RASSF2: variants seen among roughly 807,000 people sequenced by gnomAD.
The protein encoded by RASSF2 is Ras association domain family member 2, also known as ras association domain-containing protein 2.
A neutral mutation model predicts 46.3 loss-of-function variants in RASSF2; 34 were observed. That is an observed-to-expected ratio of 0.73 (90% CI 0.56 to 0.98). RASSF2 has a LOEUF of 0.98. RASSF2 is among the 50% of genes least tolerant of loss of function. The pLI is 0.00. For synonymous variants in RASSF2, 158 were observed against 162.5 expected, an observed-to-expected ratio of 0.97 and a Z score of 0.21; for missense variants, 364 against 431.2, an observed-to-expected ratio of 0.84 and a Z score of 1.38.
chr20:4,785,104 G>A (rs1450751473), intron 11 of RASSF2, among the ~76,000 whole-genome samples: 1 of 138,198 alleles, frequency 7.2e-6, no homozygotes, highest in Admixed American at 8.1e-5. Context: ...GAGGTCAGGA[G>A]TTCAAGACCA....
Position 4,822,363 on chromosome 20 carries a change from T to C in RASSF2, c.-67A>G, listed in dbSNP as rs1006661429. On this transcript the variant is annotated 5_prime_UTR_variant, in exon 2 of 12. Transcript: ENST00000379400. ...AGGCTGCCGTAGACACAGCCTTTGC[T>C]CTCCCGAAAAACACGTTCTAGGCGC... is the stretch of plus-strand genomic sequence containing the variant. 1.3e-5 allele frequency: 2 copies of C among 152,194 alleles called. No individual in the cohort carries two copies. Among genetic ancestry groups the C allele is most frequent in the East Asian group, 3.9e-4 (2 of 5,186 alleles). The allele number at this position is 152,194 out of a possible 1,614,324, so 9.4% of individuals were successfully genotyped here. A position where few individuals can be genotyped will look rare whatever the true frequency, so the allele number is the denominator to read the frequency against.
chr20:4,789,797 T>G lies in RASSF2; in HGVS notation c.538-100A>C, dbSNP rs1348766556. The G allele has an allele frequency of 7.5e-5, 72 of 954,244 alleles. 2 individuals carry two copies. The East Asian group carries it at 1.7e-3, about 23-fold the overall frequency. 59.1% of individuals were successfully genotyped at this position (954,244 alleles called of 1,614,324 possible). A position where few individuals can be genotyped will look rare whatever the true frequency, so the allele number is the denominator to read the frequency against. Reference sequence around the variant, plus strand: ...GGCACAGTGACAACGATACTCAGAATGTACTCCCTGGGAGCCCCCGGCAGA... The same window carrying G: ...GGCACAGTGACAACGATACTCAGAAGGTACTCCCTGGGAGCCCCCGGCAGA... On this transcript the variant is annotated intron_variant, in intron 7 of 11. Transcript: ENST00000379400.
At chr20:4,792,652 AG>A (rs778923410) in intron 5 of RASSF2, 25 bp from the exon 6 acceptor site, 5 of 1,611,946 alleles carry the variant, frequency 3.1e-6, no homozygotes, top group Admixed American at 1.7e-5. Flanking sequence ...GACAAAGGGG[AG>A]GGGGGAGACT....
Position 4,792,642 on chromosome 20 carries a change from G to C in RASSF2, c.288-15C>G. 6.2e-7 allele frequency: 1 copy of C among 1,612,696 alleles called. No individual in the cohort carries two copies. Among genetic ancestry groups the C allele is most frequent in the Non-Finnish European group, 8.5e-7 (1 of 1,179,440 alleles). ...TCAGAGTGGTTCTGGGAGTGGAGAA[G>C]ACAAAGGGGAGGGGGGAGACTAGTT... On this transcript the variant is annotated splice_polypyrimidine_tract_variant and intron_variant, in intron 5 of 11. Transcript: ENST00000379400.
At chr20:4,805,993 G>C (rs2423017) in intron 2 of RASSF2, among the ~76,000 whole-genome samples, 112,053 of 152,076 alleles carry the variant, frequency 0.74, 42,735 homozygotes, top group East Asian at 0.86. Flanking sequence ...GGGCCCAGGA[G>C]AGCAATTCCT....
At chr20:4,801,693 A>C (rs1423164624) in intron 2 of RASSF2, among the ~76,000 whole-genome samples, 3 of 152,128 alleles carry the variant, frequency 2.0e-5, no homozygotes, top group Non-Finnish European at 4.4e-5. Context: ...ATATATACAT[A>C]TATATATCAG....
chr20:4,787,397 A>G (rs758333086), intron 10 of RASSF2, among the ~76,000 whole-genome samples: 2 of 152,214 alleles, frequency 1.3e-5, no homozygotes, highest in Non-Finnish European at 2.9e-5. Flanking sequence ...GAGTAGAGCC[A>G]TTGCTACTAG....
At chr20:4,794,148 G>T (rs1029138976) in intron 5 of RASSF2, among the ~76,000 whole-genome samples, 5 of 152,188 alleles carry the variant, frequency 3.3e-5, no homozygotes, top group Non-Finnish European at 5.9e-5. Flanking sequence ...AGTACAGCTG[G>T]GCATGGTGGC....
intron 2 of RASSF2, among the ~76,000 whole-genome samples, chr20:4,802,909 TATA>T (rs760278625): frequency 0.14 from 12,837 of 94,540 alleles, 701 homozygotes; most frequent in East Asian, 0.2. Context: ...TATATATATA[TATA>T]TATTTTTTTT....
chr20:4,802,914 A>ATTT (rs60825053), intron 2 of RASSF2, among the ~76,000 whole-genome samples: 1,930 of 95,524 alleles, frequency 0.02, 78 homozygotes, highest in East Asian at 0.13. Flanking sequence ...ATATATATAT[A>ATTT]TTTTTTTTTT....
chr20:4,813,275 G>A (rs916622203), intron 2 of RASSF2, among the ~76,000 whole-genome samples: 7 of 152,102 alleles, frequency 4.6e-5, no homozygotes, highest in African/African-American at 1.4e-4. Flanking sequence ...CTGAAACACA[G>A]CAAGGGCCAT....
chr20:4,809,980 T>C (rs1447758505), intron 2 of RASSF2, among the ~76,000 whole-genome samples: 1 of 152,226 alleles, frequency 6.6e-6, no homozygotes, highest in African/African-American at 2.4e-5. Context: ...CGTGTGCCGC[T>C]AAGACCCAGC....
intron 2 of RASSF2, among the ~76,000 whole-genome samples, chr20:4,810,536 C>T (rs1318332808): frequency 6.6e-6 from 1 of 152,180 alleles, no homozygotes; most frequent in Admixed American, 6.5e-5. Context: ...TCCCCAGGAC[C>T]CTGGCTCGCC....
chr20:4,793,138 G>T, intron 5 of RASSF2: 1 of 161,638 alleles, frequency 6.2e-6, no homozygotes, highest in South Asian at 1.6e-4. Context: ...GGCAGGGGCA[G>T]CTTTGGAAGG....
intron 2 of RASSF2, among the ~76,000 whole-genome samples, chr20:4,818,550 AG>A (rs1396336124): frequency 6.6e-6 from 1 of 152,234 alleles, no homozygotes; most frequent in Non-Finnish European, 1.5e-5. Context: ...CACTGATACC[AG>A]GTTGGTAGAG....
chr20:4,810,190 G>A (rs2423026), intron 2 of RASSF2, among the ~76,000 whole-genome samples: 54,366 of 152,080 alleles, frequency 0.36, 9,945 homozygotes, highest in Admixed American at 0.43. Flanking sequence ...CGGGGTCAGC[G>A]TCACCCAAGC....
chr20:4,791,585 AT>A (rs1261412694), intron 6 of RASSF2, among the ~76,000 whole-genome samples: 3 of 152,238 alleles, frequency 2.0e-5, no homozygotes, highest in Non-Finnish European at 4.4e-5. Context: ...ATTAAAATAT[AT>A]TTAATCCACG....
chr20:4,802,719 CAG>C (rs1926981358), intron 2 of RASSF2, among the ~76,000 whole-genome samples: 1 of 151,810 alleles, frequency 6.6e-6, no homozygotes, highest in African/African-American at 2.4e-5. Context: ...TTAATGGGTA[CAG>C]AGTGTGCAAA....
At chr20:4,809,320 C>T (rs1340242627) in intron 2 of RASSF2, among the ~76,000 whole-genome samples, 9 of 152,168 alleles carry the variant, frequency 5.9e-5, no homozygotes, top group Non-Finnish European at 1.3e-4. Flanking sequence ...AGAGAACTTT[C>T]GGAGCCTACT....
Sources: gnomAD v4.1 joint callset for allele counts (sites outside exome capture counted in the v4.1 genomes callset) on GRCh38, gnomAD v4.1.1 for gene constraint, MANE v1.5 for transcripts, NCBI Gene and HGNC (gene_info 2026-07-23, HGNC 2026-07-21) for gene names.